The following NAPG variants were observed in gnomAD, a reference collection of about 807,000 sequenced individuals.
NAPG encodes gamma-soluble NSF attachment protein.
A neutral mutation model predicts 48.4 loss-of-function variants in NAPG; 25 were observed. The ratio of observed to expected loss-of-function variants is 0.52; its 90% CI spans 0.38 to 0.72. NAPG has a LOEUF of 0.72. Among genes scored for constraint, NAPG ranks in the 30% least tolerant of loss-of-function variants. The pLI is 0.00. For missense variants in NAPG, 359 were observed against 372.5 expected (o/e 0.96, Z 0.30); for synonymous variants, 139 against 127.2 (o/e 1.09, Z -0.62).
chr18:10,528,069 C>G (rs565412667), intron 1 of NAPG, among the ~76,000 whole-genome samples: 32 of 152,212 alleles, frequency 2.1e-4, no homozygotes, highest in Admixed American at 1.7e-3. Flanking sequence ...ACCTGTAATC[C>G]CAATTGCTCA....
Position 10,539,575 on chromosome 18 carries a change from A to T in NAPG, c.259-187A>T, listed in dbSNP as rs2032104082. 1.8e-6 allele frequency: 1 copy of T among 568,662 alleles called. No individual in the cohort carries two copies. Among genetic ancestry groups the T allele is most frequent in the Admixed American group, 3.0e-5 (1 of 32,920 alleles). The allele number at this position is 568,662 out of a possible 1,614,324, so 35.2% of individuals were successfully genotyped here. A position where few individuals can be genotyped will look rare whatever the true frequency, so the allele number is the denominator to read the frequency against. ...ATACCTAATGCATGCGGGGCTTAAA[A>T]CCTAGATGATGGGTTGATAGGTATA... On this transcript the variant is annotated intron_variant, in intron 5 of 11. Transcript: ENST00000322897. This position sits in a 1 kb window ranked among gnomAD's most constrained non-coding sequence, Gnocchi z 4.7.
chr18:10,527,923 T>C (rs1251137632), intron 1 of NAPG, among the ~76,000 whole-genome samples: 1 of 152,054 alleles, frequency 6.6e-6, no homozygotes, highest in Non-Finnish European at 1.5e-5. Context: ...CTGTCGCTCA[T>C]GCCTGTAATC....
chr18:10,534,628 C>A lies in NAPG; in HGVS notation c.258+132C>A. Reference sequence around the variant, plus strand: ...GAGGTGCTAAGTTAAGATTTTCTGTCCACGGTAACGTTAATTGGACCCATA... The same window carrying A: ...GAGGTGCTAAGTTAAGATTTTCTGTACACGGTAACGTTAATTGGACCCATA... On this transcript the variant is annotated intron_variant, in intron 5 of 11. Coordinates refer to ENST00000322897, the MANE Select transcript of NAPG (RefSeq NM_003826.3). The surrounding 1 kb of genome is among the most constrained non-coding windows in gnomAD (Gnocchi z 5.0). 1.3e-6 allele frequency: 1 copy of A among 757,810 alleles called. No homozygotes were observed. Among genetic ancestry groups the A allele is most frequent in the Non-Finnish European group, 2.3e-6 (1 of 440,412 alleles). 46.9% of individuals were successfully genotyped at this position (757,810 alleles called of 1,614,324 possible). A position where few individuals can be genotyped will look rare whatever the true frequency, so the allele number is the denominator to read the frequency against.
intron 5 of NAPG, among the ~76,000 whole-genome samples, chr18:10,537,070 C>G (rs1598410506): frequency 6.6e-6 from 1 of 152,036 alleles, no homozygotes; most frequent in Admixed American, 6.5e-5. Flanking sequence ...GATCCTCCCA[C>G]CTCAGCCTCC....
At chr18:10,537,483 A>AGAG (rs1174122162) in intron 5 of NAPG, among the ~76,000 whole-genome samples, 1 of 152,120 alleles carries the variant, frequency 6.6e-6, no homozygotes, top group African/African-American at 2.4e-5. Context: ...AGGAGGAGGA[A>AGAG]GAGGAGGAGG....
rs771889463 is a variant in NAPG at position 10,539,871 on chromosome 18, A to C, written c.368A>C (p.Lys123Thr). The C allele has an allele frequency of 1.2e-6, 2 of 1,613,868 alleles. No individual in the cohort carries two copies. Among genetic ancestry groups the C allele is most frequent in the South Asian group, 1.1e-5 (1 of 91,070 alleles). The change falls in exon 6 of 12, where the codon AAG becomes ACG. Residue 123 changes from lysine to threonine, a missense_variant and splice_region_variant. Transcript: ENST00000322897. The surrounding 1 kb of genome is among the most constrained non-coding windows in gnomAD (Gnocchi z 4.7). Reference protein sequence around the residue: ...TAAMALERAGKLIENVDPEKA... With the variant: ...TAAMALERAGTLIENVDPEKA... ...GCCATGGCTTTGGAGCGAGCTGGAA[A>C]GTGAGTGTGAGATGGACAAGTCTCT...
At chr18:10,536,009 G>A (rs2032024633) in intron 5 of NAPG, among the ~76,000 whole-genome samples, 1 of 152,152 alleles carries the variant, frequency 6.6e-6, no homozygotes, top group African/African-American at 2.4e-5. Context: ...GAAGCTCCCA[G>A]GTGGCTGTTA....
chr18:10,526,069 A>C lies in NAPG; in HGVS notation c.-34A>C, dbSNP rs1301820766. ...TGGCGCCGGAGGAAGAGGCAGGGTCACCCTCTCTCCACGTCAGAGACCTGA... is the reference window on the plus strand; with the variant it reads ...TGGCGCCGGAGGAAGAGGCAGGGTCCCCCTCTCTCCACGTCAGAGACCTGA... On this transcript the variant is annotated 5_prime_UTR_variant, in exon 1 of 12. Transcript: ENST00000322897. The C allele has an allele frequency of 6.2e-7, 1 of 1,605,542 alleles. No homozygotes were observed. Among genetic ancestry groups the C allele is most frequent in the Non-Finnish European group, 8.5e-7 (1 of 1,172,562 alleles).
rs373980559 is a variant in NAPG, at chr18:10,534,408, T to C, written c.228-58T>C. ...TTACCAGTAGTTCCTCACCAGAAAG[T>C]TTCTTCTACCCCTTATTTCGTTAAG... On this transcript the variant is annotated intron_variant, in intron 4 of 11. Coordinates refer to ENST00000322897, the MANE Select transcript of NAPG (RefSeq NM_003826.3). This position sits in a 1 kb window ranked among gnomAD's most constrained non-coding sequence, Gnocchi z 5.0. The C allele has an allele frequency of 4.6e-6, 7 of 1,535,394 alleles. No individual in the cohort carries two copies. Among genetic ancestry groups the C allele is most frequent in the East Asian group, 2.3e-5 (1 of 44,342 alleles).
intron 5 of NAPG, among the ~76,000 whole-genome samples, chr18:10,535,266 C>G (rs958372223): frequency 6.6e-6 from 1 of 151,982 alleles, no homozygotes; most frequent in Non-Finnish European, 1.5e-5. Flanking sequence ...TTTTAGTGAA[C>G]ACATGCTCAT....
chr18:10,532,582 A>G, intron 2 of NAPG, 129 bp from the exon 3 acceptor site: 1 of 564,582 alleles, frequency 1.8e-6, no homozygotes, highest in Non-Finnish European at 2.9e-6. Flanking sequence ...AATATTTTAT[A>G]GTTTTAGGAT....
Position 10,537,582 on chromosome 18 carries a change from G to T in NAPG, c.259-2180G>T, listed in dbSNP as rs1042030403. Among the ~76,000 whole-genome samples the T allele has an allele frequency of 3.9e-5, 6 of 152,238 alleles. No homozygotes were observed. In the East Asian group the frequency reaches 1.2e-3, roughly 29 times the overall value. On this transcript the variant is annotated intron_variant, in intron 5 of 11. Coordinates refer to ENST00000322897, the MANE Select transcript of NAPG (RefSeq NM_003826.3). ...TTGGACCAGCACAGTTTAAATCTCT[G>T]CTGTTCAAGGTTCAGTTGTATTCTT...
At chr18:10,529,542 C>A (rs113715133) in intron 1 of NAPG, among the ~76,000 whole-genome samples, 15,026 of 152,120 alleles carry the variant, frequency 0.099, 988 homozygotes, top group East Asian at 0.24. Context: ...TCACTTGAGG[C>A]CAGGAGTTCG....
At chr18:10,540,131 C>T (rs2143121989) in intron 7 of NAPG, 77 bp downstream of exon 7, 2 of 1,261,900 alleles carry the variant, frequency 1.6e-6, no homozygotes, top group Non-Finnish European at 2.2e-6. Flanking sequence ...TAGAGAAGTG[C>T]AGTGGCTACT....
intron 8 of NAPG, 36 bp downstream of exon 8, chr18:10,540,435 A>C (rs510110): frequency 0.35 from 538,356 of 1,558,412 alleles, 93,854 homozygotes; most frequent in East Asian, 0.44. Context: ...GTGTTTAACT[A>C]TACTTTGAAT....
intron 2 of NAPG, among the ~76,000 whole-genome samples, chr18:10,532,433 A>G (rs2031946519): frequency 1.3e-5 from 2 of 152,186 alleles, no homozygotes; most frequent in Non-Finnish European, 2.9e-5. Context: ...TGTTGGTGTT[A>G]GAAAGACTTC....
rs199992167 is a variant in NAPG, at chr18:10,543,135, C to CAAAAAA, written c.506+2746_506+2751dup. ...ACAGGTTGCAGTGAGACTCCCATCT[C>CAAAAAA]AAAAAAAAAAAAAAAGAAAAGAAAA... is the stretch of plus-strand genomic sequence containing the variant. On this transcript the variant is annotated intron_variant, in intron 8 of 11. Transcript: ENST00000322897. The surrounding 1 kb of genome is among the most constrained non-coding windows in gnomAD (Gnocchi z 4.4). 9.4e-6 allele frequency among the ~76,000 whole-genome samples: 1 copy of CAAAAAA among 106,428 alleles called. No individual in the cohort carries two copies. Among genetic ancestry groups the CAAAAAA allele is most frequent in the African/African-American group, 3.4e-5 (1 of 29,620 alleles). The allele number at this position is 106,428 out of a possible 152,430, so 69.8% of individuals were successfully genotyped here. A position where few individuals can be genotyped will look rare whatever the true frequency, so the allele number is the denominator to read the frequency against.
intron 3 of NAPG, 24 bp from the exon 4 acceptor site, chr18:10,533,512 T>G: frequency 6.3e-7 from 1 of 1,590,664 alleles, no homozygotes; most frequent in Non-Finnish European, 8.5e-7. Flanking sequence ...TTTCCTTAAC[T>G]TTGACTTCGT....
At chr18:10,531,588 G>A (rs944062884) in intron 2 of NAPG, among the ~76,000 whole-genome samples, 4 of 152,194 alleles carry the variant, frequency 2.6e-5, no homozygotes, top group African/African-American at 4.8e-5. Context: ...AACAGCAAAT[G>A]AGTCTTCAGT....
Sources: gnomAD v4.1 joint callset for allele counts (sites outside exome capture counted in the v4.1 genomes callset) on GRCh38, gnomAD v4.1.1 for gene constraint, Gnocchi (gnomAD v3.1) non-coding constraint, MANE v1.5 for transcripts, NCBI Gene and HGNC (gene_info 2026-07-23, HGNC 2026-07-21) for gene names.